The following TEKTL1 variants were observed in gnomAD, a reference collection of about 807,000 sequenced individuals.
The protein encoded by TEKTL1 is tektin like 1.
At chr19:15,016,432 C>T in the TEKTL1 span, among the ~76,000 whole-genome samples, 5 of 152,118 alleles carry the variant, frequency 3.3e-5, no homozygotes, top group Admixed American at 3.3e-4. Context: ...TCGTGACCAC[C>T]TGCCTCGGCC....
the TEKTL1 span, chr19:15,022,722 G>GTTTTTT: frequency 5.7e-6 from 3 of 522,856 alleles, no homozygotes; most frequent in South Asian, 2.7e-5. Flanking sequence ...CCCTGTCGCG[G>GTTTTTT]TTTTTTTTTT....
the TEKTL1 span, among the ~76,000 whole-genome samples, chr19:15,015,403 G>A: frequency 2.0e-5 from 3 of 152,156 alleles, no homozygotes; most frequent in Non-Finnish European, 2.9e-5. Context: ...GACCTGCTGG[G>A]CAAGTGATTT....
chr19:15,013,629 G>A, the TEKTL1 span: 2 of 1,453,262 alleles, frequency 1.4e-6, no homozygotes, highest in African/African-American at 1.4e-5. Context: ...TCTCTTCCCA[G>A]CCCTTTCTTA....
At chr19:15,010,867 A>T in the TEKTL1 span, 6 of 1,555,466 alleles carry the variant, frequency 3.9e-6, no homozygotes, top group Admixed American at 1.1e-4. Context: ...GCCAGGACAC[A>T]CGCGTTGGGG....
the TEKTL1 span, among the ~76,000 whole-genome samples, chr19:15,016,423 C>G: frequency 1.6e-5 from 1 of 61,514 alleles, no homozygotes; most frequent in Non-Finnish European, 3.4e-5. Context: ...CTCCTGACCT[C>G]GTGACCACCT....
At chr19:15,021,860 G>A in the TEKTL1 span, 1 of 1,614,072 alleles carries the variant, frequency 6.2e-7, no homozygotes. Flanking sequence ...CAGACCCCTG[G>A]TTCGCATGTA....
chr19:15,021,469 C>T, the TEKTL1 span: 5 of 1,614,158 alleles, frequency 3.1e-6, no homozygotes, highest in East Asian at 2.2e-5. Context: ...GATAAGCGAC[C>T]GTGTGTGTGC....
chr19:15,020,933 G>A, the TEKTL1 span, among the ~76,000 whole-genome samples: 1 of 150,890 alleles, frequency 6.6e-6, no homozygotes, highest in East Asian at 2.0e-4. Context: ...AGGCTGGAGT[G>A]CAATGGCCTG....
the TEKTL1 span, among the ~76,000 whole-genome samples, chr19:15,014,871 C>CAT: frequency 6.6e-6 from 1 of 151,914 alleles, no homozygotes; most frequent in African/African-American, 2.4e-5. Flanking sequence ...AGGGAGAAGC[C>CAT]CCTGAGGATG....
chr19:15,020,879 C>CTTTT, the TEKTL1 span, among the ~76,000 whole-genome samples: 6 of 144,828 alleles, frequency 4.1e-5, no homozygotes, highest in East Asian at 2.1e-4. Context: ...ACAGGCTCTG[C>CTTTT]TTTTTTTTTT....
chr19:15,017,564 G>A, the TEKTL1 span, among the ~76,000 whole-genome samples: 1 of 152,188 alleles, frequency 6.6e-6, no homozygotes, highest in Non-Finnish European at 1.5e-5. Flanking sequence ...TCAGAGCAGA[G>A]GAAGGGAGAC....
chr19:15,021,245 A>G, the TEKTL1 span: 4 of 1,432,096 alleles, frequency 2.8e-6, no homozygotes, highest in Non-Finnish European at 3.7e-6. Context: ...CAGTTCCTCA[A>G]TAAAACCCCC....
At chr19:15,023,016 G>A in the TEKTL1 span, 3 of 1,612,748 alleles carry the variant, frequency 1.9e-6, no homozygotes, top group South Asian at 1.1e-5. Context: ...CTGCGCCTGC[G>A]CCAGCGGCAA....
At chr19:15,014,780 C>G in the TEKTL1 span, among the ~76,000 whole-genome samples, 9 of 147,990 alleles carry the variant, frequency 6.1e-5, no homozygotes, top group East Asian at 4.0e-4. Context: ...AATCGGAATA[C>G]TGCATATCTT....
chr19:15,011,147 C>A, the TEKTL1 span: 1 of 1,528,522 alleles, frequency 6.5e-7, no homozygotes. Context: ...CTGGTACGCC[C>A]GCCTGCCGCT....
the TEKTL1 span, chr19:15,011,082 AGCC>A: frequency 7.6e-6 from 12 of 1,571,292 alleles, no homozygotes; most frequent in Non-Finnish European, 1.0e-5. Context: ...ACCTTGGAGA[AGCC>A]GCCGCCAGGC....
the TEKTL1 span, chr19:15,010,979 A>T: frequency 1.3e-6 from 2 of 1,593,538 alleles, no homozygotes; most frequent in Non-Finnish European, 1.7e-6. Context: ...GCCCAAGGAC[A>T]GCGTGCTGGA....
At chr19:15,018,123 C>T in the TEKTL1 span, among the ~76,000 whole-genome samples, 22 of 152,054 alleles carry the variant, frequency 1.4e-4, no homozygotes, top group Non-Finnish European at 2.1e-4. Context: ...GAGGCTGAGG[C>T]GGGTGGATCA....
the TEKTL1 span, among the ~76,000 whole-genome samples, chr19:15,013,201 A>AC: frequency 6.6e-6 from 1 of 151,858 alleles, no homozygotes; most frequent in Admixed American, 6.6e-5. Context: ...GAGAGATGAG[A>AC]CCCCACCCAC....
Sources: allele counts gnomAD v4.1 joint callset (sites outside exome capture counted in the v4.1 genomes callset), GRCh38; gene constraint gnomAD v4.1.1; transcripts MANE v1.5; gene names NCBI Gene and HGNC (gene_info 2026-07-23, HGNC 2026-07-21).